The following CTNNA2 variants were observed in gnomAD, a reference collection of about 807,000 sequenced individuals.
The protein encoded by CTNNA2 is catenin alpha 2, also known as catenin alpha-2.
CTNNA2 carries 42 observed loss-of-function variants against 101.0 expected under a neutral mutation model. The observed-to-expected ratio is 0.42, with a 90% CI of 0.32 to 0.54. The LOEUF is 0.54. CTNNA2 is among the 20% of genes least tolerant of loss of function. CTNNA2 has a pLI of 0.14. For missense variants in CTNNA2, 871 were observed against 1,223.1 expected, an observed-to-expected ratio of 0.71 and a Z score of 4.29; for synonymous variants, 450 against 456.4, an observed-to-expected ratio of 0.99 and a Z score of 0.18.
rs1430391263 is a variant in CTNNA2, at chr2:80,347,281, T to A, written c.1057-45930T>A. On this transcript the variant is annotated intron_variant, in intron 7 of 18. Transcript: ENST00000402739. ...TTCCTCCATGTGAACACTTGGTCAC[T>A]TTCCCCACATTACACTGTAAAACCA... Among the ~76,000 whole-genome samples, 3 of 152,224 alleles carry A rather than the reference T, an allele frequency of 2.0e-5. No individual in the cohort carries two copies. The East Asian group carries it at 5.8e-4, about 29-fold the overall frequency.
chr2:79,698,664 T>C (rs538753822), intron 2 of CTNNA2, among the ~76,000 whole-genome samples: 2 of 152,170 alleles, frequency 1.3e-5, no homozygotes, highest in Admixed American at 1.3e-4. Flanking sequence ...CACATAGTTC[T>C]TTAGGAATGA....
At chr2:80,583,510 G>A (rs1695716359) in intron 14 of CTNNA2, among the ~76,000 whole-genome samples, 1 of 152,160 alleles carries the variant, frequency 6.6e-6, no homozygotes, top group African/African-American at 2.4e-5. Flanking sequence ...TTATGTCACT[G>A]ACAAAGGGCA....
chr2:80,189,539 T>A (rs1706343029), intron 7 of CTNNA2, among the ~76,000 whole-genome samples: 1 of 152,218 alleles, frequency 6.6e-6, no homozygotes, highest in Admixed American at 6.5e-5. Context: ...ACAGTAGCAT[T>A]GAGTTCCTAG....
intron 1 of CTNNA2, among the ~76,000 whole-genome samples, chr2:79,538,242 C>CA (rs1558710029): frequency 4.5e-4 from 29 of 64,220 alleles, no homozygotes; most frequent in African/African-American, 2.5e-3. Flanking sequence ...GATGATTATT[C>CA]GAAAAAAAAA....
At chr2:79,672,522 T>C (rs1328820302) in intron 2 of CTNNA2, among the ~76,000 whole-genome samples, 2 of 152,042 alleles carry the variant, frequency 1.3e-5, no homozygotes, top group African/African-American at 4.8e-5. Context: ...TTAAAAAAAG[T>C]CAACAAGTCA....
chr2:79,793,888 GCACACA>G (rs71385299), intron 3 of CTNNA2, among the ~76,000 whole-genome samples: 11 of 142,724 alleles, frequency 7.7e-5, no homozygotes, highest in African/African-American at 1.6e-4. Context: ...ACACACTCAT[GCACACA>G]CACACACACA....
Position 79,615,585 on chromosome 2 carries a change from C to T in CTNNA2, c.-5-35967C>T, listed in dbSNP as rs567938613. Among the ~76,000 whole-genome samples the T allele has an allele frequency of 1.0e-3, 155 of 152,172 alleles. 1 individual carries two copies. Among genetic ancestry groups the T allele is most frequent in the Non-Finnish European group, 1.7e-3 (115 of 68,008 alleles). On this transcript the variant is annotated intron_variant, in intron 1 of 18. Transcript: ENST00000402739. ...TCCTGATAGGAGGGAACTGTTTTGA[C>T]GAGAGGGTCAATGAAAACTACATCT...
intron 2 of CTNNA2, among the ~76,000 whole-genome samples, chr2:79,737,480 G>A (rs960423011): frequency 6.6e-6 from 1 of 152,138 alleles, no homozygotes; most frequent in Non-Finnish European, 1.5e-5. Context: ...AATGCAAAAT[G>A]CCTAAGCCCA....
chr2:79,385,608 T>C (rs1003661826), intron 4 of CTNNA2, among the ~76,000 whole-genome samples: 16 of 152,048 alleles, frequency 1.1e-4, no homozygotes, highest in African/African-American at 3.4e-4. Flanking sequence ...GGTGGTTTAC[T>C]GCACCTATCA....
chr2:79,869,512 AG>A (rs1682421106), intron 4 of CTNNA2, among the ~76,000 whole-genome samples: 1 of 152,116 alleles, frequency 6.6e-6, no homozygotes, highest in Non-Finnish European at 1.5e-5. Context: ...TATTTTCCTT[AG>A]TGTTTCTACT....
At chr2:79,762,067 CTG>C (rs1227013005) in intron 3 of CTNNA2, among the ~76,000 whole-genome samples, 1 of 152,148 alleles carries the variant, frequency 6.6e-6, no homozygotes, top group Non-Finnish European at 1.5e-5. Flanking sequence ...GTTAATTAGG[CTG>C]TGTTTCTCTG....
intron 2 of CTNNA2, among the ~76,000 whole-genome samples, chr2:79,251,515 G>A (rs1674770610): frequency 6.6e-6 from 1 of 152,116 alleles, no homozygotes; most frequent in Non-Finnish European, 1.5e-5. Context: ...GTACAGCAGA[G>A]TGATGGAATG....
At chr2:79,501,220 C>T (rs960592159) in intron 4 of CTNNA2, among the ~76,000 whole-genome samples, 2 of 152,144 alleles carry the variant, frequency 1.3e-5, no homozygotes, top group Non-Finnish European at 2.9e-5. Context: ...CCATGACATG[C>T]CATGACATCA....
At chr2:79,356,218 T>G (rs2104442898) in intron 3 of CTNNA2, among the ~76,000 whole-genome samples, 1 of 152,146 alleles carries the variant, frequency 6.6e-6, no homozygotes, top group South Asian at 2.1e-4. Flanking sequence ...ATGTTGAACA[T>G]CTTTCATATG....
At chr2:79,511,052 T>C (rs749022945), upstream of CTNNA2, among the ~76,000 whole-genome samples, 7 of 152,202 alleles carry the variant, frequency 4.6e-5, no homozygotes, top group Non-Finnish European at 8.8e-5. Context: ...TAGTTTTTAG[T>C]TTATTCCCTC....
At chr2:80,644,990 C>A (rs2149866667) in intron 18 of CTNNA2, among the ~76,000 whole-genome samples, 1 of 152,222 alleles carries the variant, frequency 6.6e-6, no homozygotes, top group Middle Eastern at 3.4e-3. Context: ...GTAAAAATCT[C>A]CAAATTTACT....
rs148566797 is a variant in CTNNA2 at position 80,037,870 on chromosome 2, C to T, written c.1056+128073C>T. ...TTCTTGATACCCATGAAGTCAGAAT[C>T]GGGTAATGAAAATCATTCATTATAT... On this transcript the variant is annotated intron_variant, in intron 7 of 18. Transcript: ENST00000402739. Among the ~76,000 whole-genome samples, 26 of 152,166 alleles carry T rather than the reference C, an allele frequency of 1.7e-4. No individual in the cohort carries two copies. The East Asian group carries it at 3.3e-3, about 19-fold the overall frequency.
chr2:80,224,721 G>A (rs925855719), intron 7 of CTNNA2, among the ~76,000 whole-genome samples: 2 of 152,106 alleles, frequency 1.3e-5, no homozygotes, highest in Admixed American at 6.6e-5. Context: ...TGGGATTACA[G>A]GCATGAGCCA....
intron 1 of CTNNA2, among the ~76,000 whole-genome samples, chr2:79,589,513 A>T (rs1012422546): frequency 1.3e-5 from 2 of 152,046 alleles, no homozygotes; most frequent in African/African-American, 4.8e-5. Flanking sequence ...TTTAGAAGGT[A>T]AGACATACAT....
Sources: gnomAD v4.1 joint callset for allele counts (sites outside exome capture counted in the v4.1 genomes callset) on GRCh38, gnomAD v4.1.1 for gene constraint, MANE v1.5 for transcripts, NCBI Gene and HGNC (gene_info 2026-07-23, HGNC 2026-07-21) for gene names.